PSD4: variants seen among roughly 807,000 people sequenced by gnomAD.
PSD4 encodes the protein pleckstrin and Sec7 domain containing 4.
PSD4 carries 59 observed loss-of-function variants against 112.5 expected under a neutral mutation model. The observed-to-expected ratio is 0.52, with a 90% confidence interval of 0.43 to 0.65. The LOEUF (loss-of-function observed/expected upper bound fraction) is 0.65. Ranked by LOEUF, PSD4 falls within the 30% of genes least tolerant of loss-of-function variation. PSD4 has a pLI of 0.00. For synonymous variants in PSD4, 533 were observed against 540.0 expected (o/e 0.99, Z 0.18); for missense variants, 1,267 against 1,352.6 (o/e 0.94, Z 0.99).
At chr2:113,184,865 G>A in intron 2 of PSD4, 92 bp from the exon 3 acceptor site, 2 of 1,550,314 alleles carry the variant, frequency 1.3e-6, no homozygotes, top group Non-Finnish European at 1.8e-6. Flanking sequence ...AAGGGAGGAG[G>A]CTTCATGGGA....
At chr2:113,174,576 G>T (rs977909725) in intron 1 of PSD4, among the ~76,000 whole-genome samples, 3 of 152,144 alleles carry the variant, frequency 2.0e-5, no homozygotes, top group Non-Finnish European at 2.9e-5. Flanking sequence ...TGCTGCAGGA[G>T]CTCAGAGTCA....
At chr2:113,186,299 G>A (rs745569377) in intron 5 of PSD4, 44 bp downstream of exon 5, 4 of 1,514,622 alleles carry the variant, frequency 2.6e-6, no homozygotes, top group Middle Eastern at 1.9e-4. Context: ...AATTATGGAT[G>A]CATTTAAGAA....
In PSD4 at chr2:113,185,559, T is replaced by A. The variant is rs1486451936; in HGVS notation, c.1249+119T>A. On this transcript the variant is annotated intron_variant, in intron 4 of 16. Coordinates refer to ENST00000245796, the MANE Select transcript of PSD4 (RefSeq NM_012455.3). ...ATTAATGGGTCCCATTATATTGTGTTTAAGCCAGACAGACTTGGGGTTAAA... is the reference window on the plus strand; with the variant it reads ...ATTAATGGGTCCCATTATATTGTGTATAAGCCAGACAGACTTGGGGTTAAA... The A allele has an allele frequency of 2.5e-6, 4 of 1,583,448 alleles. No individual in the cohort carries two copies. The African/African-American group carries it at 5.4e-5, about 21-fold the overall frequency.
At chr2:113,197,424 T>C in intron 12 of PSD4, 140 bp from the exon 13 acceptor site, 3 of 827,824 alleles carry the variant, frequency 3.6e-6, no homozygotes, top group Non-Finnish European at 6.1e-6. Context: ...TGTGTTGGCA[T>C]GTTCTGCATT....
At chr2:113,178,409 G>A (rs1474821070) in intron 1 of PSD4, among the ~76,000 whole-genome samples, 3 of 151,444 alleles carry the variant, frequency 2.0e-5, no homozygotes, top group Non-Finnish European at 4.4e-5. Flanking sequence ...GAAAGCTGCT[G>A]CAGCCTCTGG....
intron 3 of PSD4, 118 bp downstream of exon 3, chr2:113,185,191 G>C: frequency 6.4e-7 from 1 of 1,563,386 alleles, no homozygotes; most frequent in South Asian, 1.2e-5. Context: ...CTCACATCAG[G>C]ACTCCCCTTC....
At chr2:113,181,908 C>T (rs543103789) in intron 1 of PSD4, among the ~76,000 whole-genome samples, 8 of 152,176 alleles carry the variant, frequency 5.3e-5, no homozygotes, top group Non-Finnish European at 1.0e-4. Flanking sequence ...CTCCTCACCT[C>T]GTCTGTGTCT....
intron 1 of PSD4, among the ~76,000 whole-genome samples, chr2:113,174,601 G>T (rs957670071): frequency 6.6e-6 from 1 of 152,068 alleles, no homozygotes; most frequent in Non-Finnish European, 1.5e-5. Context: ...GGCCATCAGG[G>T]GGCTCCCAGC....
chr2:113,180,516 A>G (rs1688100652), intron 1 of PSD4, among the ~76,000 whole-genome samples: 1 of 152,138 alleles, frequency 6.6e-6, no homozygotes, highest in South Asian at 2.1e-4. Context: ...GGACGAGGCC[A>G]CCTGGGCTCA....
intron 12 of PSD4, chr2:113,196,650 T>A: frequency 4.9e-6 from 1 of 202,810 alleles, no homozygotes; most frequent in Non-Finnish European, 1.0e-5. Flanking sequence ...GAAAAAGGTT[T>A]TTGGTTTTGT....
At chr2:113,195,623 G>C in intron 10 of PSD4, 104 bp from the exon 11 acceptor site, 1 of 1,218,234 alleles carries the variant, frequency 8.2e-7, no homozygotes, top group Non-Finnish European at 1.2e-6. Flanking sequence ...GTGGGTGGAG[G>C]AGGCAGGCTG....
intron 1 of PSD4, 28 bp from the exon 2 acceptor site, chr2:113,182,318 A>G (rs1446200838): frequency 1.2e-6 from 1 of 819,866 alleles, no homozygotes; most frequent in Non-Finnish European, 1.9e-6. Context: ...GCCCTTCCCT[A>G]ACCTGCACTT....
intron 4 of PSD4, 103 bp from the exon 5 acceptor site, chr2:113,185,774 G>A (rs1688280983): frequency 6.4e-7 from 1 of 1,550,794 alleles, no homozygotes; most frequent in South Asian, 1.2e-5. Flanking sequence ...CATGCTGCCA[G>A]GCTCCAGGGG....
At chr2:113,183,599 T>G in intron 2 of PSD4, 87 bp downstream of exon 2, 13 of 1,276,342 alleles carry the variant, frequency 1.0e-5, no homozygotes, top group Non-Finnish European at 1.4e-5. Flanking sequence ...CCCAGAACAT[T>G]CTTTTCTGAC....
rs1688846016 is a variant in PSD4, at chr2:113,205,209, CCAG to C, written c.*3796_*3798del. ...TCTCAAACTCCTGACCTCAAGTGAT[CCAG>C]CTGCCTCGGCCTCCCAAAGCATTGG... On this transcript the variant is annotated 3_prime_UTR_variant, in exon 17 of 17. Transcript: ENST00000245796. 1 of 151,390 alleles carries C rather than the reference CCAG, an allele frequency of 6.6e-6. No homozygotes were observed. The highest frequency in any genetic ancestry group is 1.5e-5 in the Non-Finnish European group (1 of 67,946). The allele number at this position is 151,390 out of a possible 1,614,324, so 9.4% of individuals were successfully genotyped here.
At chr2:113,175,749 G>A (rs1573344323) in intron 1 of PSD4, among the ~76,000 whole-genome samples, 1 of 152,214 alleles carries the variant, frequency 6.6e-6, no homozygotes, top group East Asian at 1.9e-4. Context: ...ACTCCTTGAG[G>A]AGGCTGAGAG....
At position 113,201,175 on chromosome 2, in the gene PSD4, C is replaced by T. The variant is rs1688767271; in HGVS notation, c.2931C>T (p.Thr977=). 2 of 1,612,464 alleles carry T rather than the reference C, an allele frequency of 1.2e-6. No individual in the cohort carries two copies. Among genetic ancestry groups the T allele is most frequent in the Non-Finnish European group, 1.7e-6 (2 of 1,178,886 alleles). Reference sequence around the variant, plus strand: ...TGTTGCAGAAAACCCGCTACGAGACCTACGTGCAGCTGCTGGTGGCCCGCC... The same window carrying T: ...TGTTGCAGAAAACCCGCTACGAGACTTACGTGCAGCTGCTGGTGGCCCGCC... ...YLEYEKTRYE[T]YVQLLVARLH... The change falls in exon 17 of 17, where the codon ACC becomes ACT. Residue 977 remains threonine (T), a synonymous_variant. Transcript: ENST00000245796.
At chr2:113,199,324 C>G (rs765917794) in intron 16 of PSD4, 98 bp downstream of exon 16, 171 of 1,275,328 alleles carry the variant, frequency 1.3e-4, no homozygotes, top group Non-Finnish European at 1.7e-4. Context: ...CTGACCGCGC[C>G]GGGGCGGGGA....
chr2:113,181,475 G>A (rs1402700893), intron 1 of PSD4, among the ~76,000 whole-genome samples: 4 of 152,216 alleles, frequency 2.6e-5, no homozygotes, highest in Admixed American at 6.5e-5. Context: ...AACACCCTGC[G>A]AGGTTCCTGG....
Sources: allele counts gnomAD v4.1 joint callset (sites outside exome capture counted in the v4.1 genomes callset), GRCh38; gene constraint gnomAD v4.1.1; transcripts MANE v1.5; gene names NCBI Gene and HGNC (gene_info 2026-07-23, HGNC 2026-07-21).